The following ZFPM2 variants were observed in gnomAD, a reference collection of about 807,000 sequenced individuals.
ZFPM2 encodes zinc finger protein ZFPM2.
Under a neutral mutation model 98.6 loss-of-function variants are expected in ZFPM2, and 20 were observed. That is an observed-to-expected ratio of 0.20 (90% CI 0.14 to 0.29). The LOEUF (loss-of-function observed/expected upper bound fraction) is 0.29, where lower values mean the gene tolerates loss of function less well. Among genes scored for constraint, ZFPM2 ranks in the 10% least tolerant of loss-of-function variants. The pLI is 1.00. For missense variants in ZFPM2, 1,310 were observed against 1,388.6 expected, an observed-to-expected ratio of 0.94 and a Z score of 0.90; for synonymous variants, 518 against 502.7, an observed-to-expected ratio of 1.03 and a Z score of -0.41.
intron 5 of ZFPM2, among the ~76,000 whole-genome samples, chr8:105,733,645 G>A (rs576564077): frequency 3.9e-5 from 6 of 151,934 alleles, no homozygotes; most frequent in East Asian, 2.0e-4. Flanking sequence ...GTAAATGAAC[G>A]ATAAAGGTGT....
intron 7 of ZFPM2, among the ~76,000 whole-genome samples, chr8:105,800,130 A>G (rs531522921): frequency 6.6e-6 from 1 of 152,316 alleles, no homozygotes; most frequent in African/African-American, 2.4e-5. Flanking sequence ...TTCATTAAGG[A>G]GAAAAAGAGA....
chr8:105,697,334 G>A (rs1260879158), intron 5 of ZFPM2, among the ~76,000 whole-genome samples: 1 of 152,130 alleles, frequency 6.6e-6, no homozygotes, highest in African/African-American at 2.4e-5. Flanking sequence ...AGTTGCCTTT[G>A]GTATATGCCA....
Position 105,642,518 on chromosome 8 carries a change from T to G in ZFPM2, c.532+8161T>G, listed in dbSNP as rs187785737. 4.4e-3 allele frequency among the ~76,000 whole-genome samples: 669 copies of G among 152,308 alleles called. 7 individuals are homozygous for G. Among genetic ancestry groups the G allele is most frequent in the African/African-American group, 0.015 (635 of 41,568 alleles). On this transcript the variant is annotated intron_variant, in intron 5 of 7. Coordinates refer to ENST00000407775, the MANE Select transcript of ZFPM2 (RefSeq NM_012082.4). ...CAACTAAAACAAAGAAATCTTTGCC[T>G]TATCCACAAAGTGTCCTTCCTCCAC...
intron 1 of ZFPM2, among the ~76,000 whole-genome samples, chr8:105,320,410 G>T (rs1373618186): frequency 2.6e-5 from 4 of 151,908 alleles, no homozygotes; most frequent in Admixed American, 2.6e-4. Flanking sequence ...TTCACTTTTG[G>T]CTCAAAGCAG....
intron 5 of ZFPM2, among the ~76,000 whole-genome samples, chr8:105,701,786 T>G (rs546479816): frequency 1.7e-4 from 26 of 152,220 alleles, no homozygotes; most frequent in Non-Finnish European, 3.1e-4. Context: ...AACCTGAAAC[T>G]ACAGTCATTT....
At chr8:105,796,058 A>G (rs1234299178) in intron 6 of ZFPM2, among the ~76,000 whole-genome samples, 1 of 152,260 alleles carries the variant, frequency 6.6e-6, no homozygotes, top group Non-Finnish European at 1.5e-5. Context: ...TAGATTAAAG[A>G]AATTATCAGA....
At chr8:105,434,682 G>A (rs1314170436) in intron 2 of ZFPM2, among the ~76,000 whole-genome samples, 2 of 152,156 alleles carry the variant, frequency 1.3e-5, no homozygotes, top group African/African-American at 2.4e-5. Context: ...AAAATACTTT[G>A]ATGATTTAGC....
chr8:105,761,518 T>C (rs753072101), intron 5 of ZFPM2, among the ~76,000 whole-genome samples: 24 of 152,098 alleles, frequency 1.6e-4, no homozygotes, highest in Admixed American at 6.6e-4. Flanking sequence ...TTATTTCTCT[T>C]TTTTTAAGTA....
At chr8:105,339,617 G>A (rs548312786) in intron 1 of ZFPM2, among the ~76,000 whole-genome samples, 1 of 151,990 alleles carries the variant, frequency 6.6e-6, no homozygotes, top group South Asian at 2.1e-4. Flanking sequence ...TGTTCGGATT[G>A]ATAATTCGAC....
At chr8:105,753,840 T>C (rs1312873663) in intron 5 of ZFPM2, among the ~76,000 whole-genome samples, 1 of 152,162 alleles carries the variant, frequency 6.6e-6, no homozygotes, top group East Asian at 1.9e-4. Context: ...TAATTGCTGC[T>C]AGTTAAATGT....
intron 1 of ZFPM2, among the ~76,000 whole-genome samples, chr8:105,407,831 C>T (rs1383818817): frequency 4.0e-5 from 6 of 151,854 alleles, no homozygotes; most frequent in African/African-American, 1.5e-4. Context: ...AAATTCTGTT[C>T]AATTGGAAAA....
At chr8:105,540,942 G>A (rs1295208383) in intron 3 of ZFPM2, among the ~76,000 whole-genome samples, 1 of 152,038 alleles carries the variant, frequency 6.6e-6, no homozygotes, top group Non-Finnish European at 1.5e-5. Context: ...TTTAAATTAT[G>A]CATAATTTTC....
At chr8:105,486,101 A>G (rs1442306748) in intron 3 of ZFPM2, among the ~76,000 whole-genome samples, 1 of 152,008 alleles carries the variant, frequency 6.6e-6, no homozygotes, top group African/African-American at 2.4e-5. Context: ...TCTGGTTGTC[A>G]TTATTCCTTC....
chr8:105,471,937 C>T (rs767183004), intron 3 of ZFPM2, among the ~76,000 whole-genome samples: 1 of 152,078 alleles, frequency 6.6e-6, no homozygotes, highest in Non-Finnish European at 1.5e-5. Context: ...TGGATTATTA[C>T]CCAAGACCCC....
intron 1 of ZFPM2, among the ~76,000 whole-genome samples, chr8:105,407,527 T>C (rs1240007953): frequency 6.6e-6 from 1 of 151,962 alleles, no homozygotes. Context: ...AAGAGCAACA[T>C]GAATTAAATG....
intron 1 of ZFPM2, among the ~76,000 whole-genome samples, chr8:105,393,995 G>A (rs1224061266): frequency 3.3e-5 from 5 of 150,224 alleles, no homozygotes; most frequent in South Asian, 2.1e-4. Context: ...CTGGGTTCAC[G>A]CCATTCTCCT....
chr8:105,764,393 C>G (rs1812811990), intron 5 of ZFPM2, among the ~76,000 whole-genome samples: 7 of 151,602 alleles, frequency 4.6e-5, no homozygotes, highest in Non-Finnish European at 2.9e-5. Flanking sequence ...TTGCTGAATA[C>G]ACTCAGGATT....
In ZFPM2 at chr8:105,632,423, G is replaced by T. The variant is rs138339311; in HGVS notation, c.421-1823G>T. 1.5e-3 allele frequency among the ~76,000 whole-genome samples: 229 copies of T among 152,144 alleles called. 1 individual carries two copies. The highest frequency in any genetic ancestry group is 5.3e-3 in the African/African-American group (222 of 41,534). On this transcript the variant is annotated intron_variant, in intron 4 of 7. Transcript: ENST00000407775. ...GGCCTCAAGTGAGTCATCCACTTCG[G>T]CCTCCCAAAGTGCTGGGATTGTAGG...
chr8:105,620,648 GT>G (rs1269807630), intron 4 of ZFPM2, among the ~76,000 whole-genome samples: 2 of 152,086 alleles, frequency 1.3e-5, no homozygotes, highest in Non-Finnish European at 2.9e-5. Context: ...TTTCTTCTAG[GT>G]TTTTTATGGT....
Sources: gnomAD v4.1 joint callset for allele counts (sites outside exome capture counted in the v4.1 genomes callset) on GRCh38, gnomAD v4.1.1 for gene constraint, MANE v1.5 for transcripts, NCBI Gene and HGNC (gene_info 2026-07-23, HGNC 2026-07-21) for gene names.